Variants in DAPK2 observed in about 807,000 individuals in gnomAD.
DAPK2 encodes death-associated protein kinase 2.
In DAPK2, 35 loss-of-function variants were observed where a neutral mutation model predicts 44.1. The ratio of observed to expected loss-of-function variants is 0.79; its 90% CI spans 0.61 to 1.05. The LOEUF (loss-of-function observed/expected upper bound fraction) is 1.05. DAPK2 is among the 50% of genes least tolerant of loss of function. The probability of loss-of-function intolerance (pLI) is 0.00; values close to 1 mark genes in which losing one functional copy is unlikely to be tolerated. For synonymous variants in DAPK2, 174 were observed against 182.6 expected (o/e 0.95, Z 0.38); for missense variants, 453 against 483.2 (o/e 0.94, Z 0.59).
In DAPK2 at chr15:63,911,530, G is replaced by A. The variant is rs1897986732; in HGVS notation, c.1032+378C>T. ...GATGATGGTAATCTGAAACAAAGCAGAAATAGAAATATGGAAAAAAGAATG... is the reference window on the plus strand; with the variant it reads ...GATGATGGTAATCTGAAACAAAGCAAAAATAGAAATATGGAAAAAAGAATG... On this transcript the variant is annotated intron_variant, in intron 10 of 10. Coordinates refer to ENST00000261891, the Ensembl canonical transcript of DAPK2. The A allele has an allele frequency of 2.4e-5, 6 of 251,032 alleles. No homozygotes were observed. The South Asian group carries it at 4.3e-4, about 18-fold the overall frequency. The allele number at this position is 251,032 out of a possible 1,614,324, so 15.6% of individuals were successfully genotyped here.
At chr15:64,025,523 C>T (rs2079813883) in intron 1 of DAPK2, among the ~76,000 whole-genome samples, 1 of 152,226 alleles carries the variant, frequency 6.6e-6, no homozygotes, top group Non-Finnish European at 1.5e-5. Flanking sequence ...CCTCCTTTCC[C>T]AACACTGCAC....
chr15:64,042,875 C>T (rs764336896), upstream of DAPK2, among the ~76,000 whole-genome samples: 3 of 152,192 alleles, frequency 2.0e-5, no homozygotes, highest in Admixed American at 1.3e-4. This position sits in a 1 kb window ranked among gnomAD's most constrained non-coding sequence, Gnocchi z 4.7. Context: ...CGTCTCTGTG[C>T]GGCTCCATGA....
At chr15:63,963,058 C>T (rs1036813998) in intron 3 of DAPK2, among the ~76,000 whole-genome samples, 5 of 152,192 alleles carry the variant, frequency 3.3e-5, no homozygotes, top group African/African-American at 1.2e-4. Context: ...TGGCAGATGC[C>T]CCTCCCCAAG....
intron 1 of DAPK2, among the ~76,000 whole-genome samples, chr15:64,021,703 C>T (rs2079687657): frequency 6.6e-6 from 1 of 152,134 alleles, no homozygotes; most frequent in African/African-American, 2.4e-5. Flanking sequence ...ATACTAAGGG[C>T]TATGGATGCT....
At chr15:63,962,546 T>C (rs2077936626) in intron 3 of DAPK2, among the ~76,000 whole-genome samples, 1 of 152,252 alleles carries the variant, frequency 6.6e-6, no homozygotes, top group Admixed American at 6.5e-5. Flanking sequence ...ATGTTCTTTC[T>C]GTTTGTTAGT....
At position 64,032,254 on chromosome 15, in the gene DAPK2, G is replaced by C. The variant is rs372235854; in HGVS notation, c.92+7916C>G. ...AGAGGGAATTAAATCTGACAGAAGGGAGTGGGGTGGATGGGGCAGGGCATG... is the reference window on the plus strand; with the variant it reads ...AGAGGGAATTAAATCTGACAGAAGGCAGTGGGGTGGATGGGGCAGGGCATG... On this transcript the variant is annotated intron_variant, in intron 1 of 10. Coordinates refer to ENST00000261891, the Ensembl canonical transcript of DAPK2. 1.2e-4 allele frequency among the ~76,000 whole-genome samples: 18 copies of C among 152,318 alleles called. No individual in the cohort carries two copies. In the East Asian group the frequency reaches 3.3e-3, roughly 28 times the overall value.
At chr15:64,039,376 G>C (rs187803739) in intron 1 of DAPK2, among the ~76,000 whole-genome samples, 1 of 152,172 alleles carries the variant, frequency 6.6e-6, no homozygotes, top group East Asian at 1.9e-4. Context: ...TCAGAACCTT[G>C]GCTATGTCAC....
chr15:64,035,562 C>T (rs1347746659), intron 1 of DAPK2, among the ~76,000 whole-genome samples: 3 of 152,196 alleles, frequency 2.0e-5, no homozygotes, highest in African/African-American at 4.8e-5. Context: ...CACCCTGGTT[C>T]TATCACCAGT....
intron 1 of DAPK2, among the ~76,000 whole-genome samples, chr15:63,989,261 T>C (rs1595861149): frequency 7.4e-6 from 1 of 135,598 alleles, no homozygotes. Context: ...GATGCTGAGG[T>C]GGGAGGATGG....
At chr15:64,026,109 G>C (rs1470297458) in intron 1 of DAPK2, among the ~76,000 whole-genome samples, 1 of 152,212 alleles carries the variant, frequency 6.6e-6, no homozygotes, top group Non-Finnish European at 1.5e-5. Flanking sequence ...CTTGAGAAGA[G>C]AGGCTGGCGG....
Position 63,908,388 on chromosome 15 carries a change from T to A in DAPK2, c.*132A>T. 2.1e-6 allele frequency: 1 copy of A among 466,436 alleles called. No individual in the cohort carries two copies. Among genetic ancestry groups the A allele is most frequent in the East Asian group, 3.5e-5 (1 of 28,436 alleles). The allele number at this position is 466,436 out of a possible 1,614,324, so 28.9% of individuals were successfully genotyped here. ...GGCTTGCCTGCAAGCTCTTCTGAAT[T>A]CCTTGGGCCCATCTCTCTTGCAAAG... On this transcript the variant is annotated 3_prime_UTR_variant, in exon 11 of 11. Transcript: ENST00000261891. This position sits in a 1 kb window ranked among gnomAD's most constrained non-coding sequence, Gnocchi z 5.7.
chr15:63,968,025 C>T (rs2078104570), intron 3 of DAPK2, among the ~76,000 whole-genome samples: 2 of 152,124 alleles, frequency 1.3e-5, no homozygotes, highest in African/African-American at 4.8e-5. Context: ...AAGTGAAAAT[C>T]CATCATGGAG....
intron 1 of DAPK2, among the ~76,000 whole-genome samples, chr15:63,992,955 A>G (rs1375541238): frequency 6.6e-6 from 1 of 152,260 alleles, no homozygotes; most frequent in African/African-American, 2.4e-5. Context: ...GCTGCCACGC[A>G]GGAAAAAGAC....
intron 1 of DAPK2, chr15:63,991,359 C>T (rs749535548): frequency 1.3e-5 from 6 of 455,972 alleles, no homozygotes; most frequent in South Asian, 9.3e-5. Context: ...AACCTGCAAA[C>T]AGAAGAGGGC....
At chr15:64,022,711 C>G (rs997073129) in intron 1 of DAPK2, among the ~76,000 whole-genome samples, 4 of 152,152 alleles carry the variant, frequency 2.6e-5, no homozygotes, top group African/African-American at 9.7e-5. Context: ...TCCAGCTACT[C>G]AGGAGGCTGA....
Position 63,923,216 on chromosome 15 carries a change from A to C in DAPK2, c.858+1600T>G, listed in dbSNP as rs2079135962. The C allele has an allele frequency of 6.5e-7, 1 of 1,535,832 alleles. No individual in the cohort carries two copies. On this transcript the variant is annotated intron_variant, in intron 8 of 10. Coordinates refer to ENST00000261891, the Ensembl canonical transcript of DAPK2. The surrounding 1 kb of genome is among the most constrained non-coding windows in gnomAD (Gnocchi z 4.2). ...TTCCACCACACAGGCAAAACGCTCG[A>C]AGTTGACATAGGAGTTGTTGGGAGG... is the stretch of plus-strand genomic sequence containing the variant.
chr15:63,944,830 GCACTGA>G (rs2077407430), intron 3 of DAPK2, among the ~76,000 whole-genome samples: 1 of 152,044 alleles, frequency 6.6e-6, no homozygotes, highest in Non-Finnish European at 1.5e-5. Flanking sequence ...AGTAGTCAAG[GCACTGA>G]CTGCCCCATG....
upstream of DAPK2, among the ~76,000 whole-genome samples, chr15:64,043,228 G>A (rs1462271242): frequency 2.6e-5 from 4 of 152,174 alleles, no homozygotes; most frequent in Non-Finnish European, 4.4e-5. Context: ...CCACCACTTT[G>A]GAAAACTGTT....
At chr15:63,940,185 C>G (rs1340306840) in intron 3 of DAPK2, among the ~76,000 whole-genome samples, 1 of 152,228 alleles carries the variant, frequency 6.6e-6, no homozygotes, top group Non-Finnish European at 1.5e-5. Context: ...CACCCACTTT[C>G]TCCCACTCCA....
Sources: gnomAD v4.1 joint callset for allele counts (sites outside exome capture counted in the v4.1 genomes callset) on GRCh38, gnomAD v4.1.1 for gene constraint, Gnocchi (gnomAD v3.1) non-coding constraint, MANE v1.5 for transcripts, NCBI Gene and HGNC (gene_info 2026-07-23, HGNC 2026-07-21) for gene names.